The following FHIT variants were observed in gnomAD, a reference collection of about 807,000 sequenced individuals.
FHIT encodes bis(5'-adenosyl)-triphosphatase.
A neutral mutation model predicts 17.9 loss-of-function variants in FHIT; 19 were observed. The observed-to-expected ratio is 1.06, with a 90% CI of 0.74 to 1.56. FHIT has a LOEUF of 1.56. FHIT is among the 40% of genes most tolerant of loss of function. FHIT has a pLI of 0.00. For synonymous variants in FHIT, 81 were observed against 69.7 expected, an observed-to-expected ratio of 1.16 and a Z score of -0.81; for missense variants, 248 against 189.2, an observed-to-expected ratio of 1.31 and a Z score of -1.82.
chr3:60,204,570 G>C (rs1171209239), intron 5 of FHIT, among the ~76,000 whole-genome samples: 7 of 151,590 alleles, frequency 4.6e-5, no homozygotes, highest in Non-Finnish European at 8.8e-5. Flanking sequence ...GGATTACAGG[G>C]GTGAGCCACC....
intron 3 of FHIT, among the ~76,000 whole-genome samples, chr3:60,968,416 G>A (rs908361684): frequency 7.6e-6 from 1 of 131,488 alleles, no homozygotes; most frequent in African/African-American, 3.0e-5. Context: ...GTCTGCTGTA[G>A]GACTTTTTTT....
At chr3:59,838,595 A>G (rs1173434663) in intron 8 of FHIT, among the ~76,000 whole-genome samples, 1 of 152,086 alleles carries the variant, frequency 6.6e-6, no homozygotes, top group Non-Finnish European at 1.5e-5. Flanking sequence ...GTGGAGTGGC[A>G]GGTTTAGAGG....
chr3:59,759,969 TG>T (rs11360780), intron 8 of FHIT, among the ~76,000 whole-genome samples: 19,494 of 152,188 alleles, frequency 0.13, 1,306 homozygotes, highest in South Asian at 0.24. Flanking sequence ...AACTGGACCT[TG>T]GACTAAGCAC....
At chr3:61,133,283 T>C (rs1353652599) in intron 2 of FHIT, among the ~76,000 whole-genome samples, 1 of 152,334 alleles carries the variant, frequency 6.6e-6, no homozygotes, top group Non-Finnish European at 1.5e-5. Context: ...CTCTTGAGGG[T>C]ACAACCATGT....
Position 60,546,905 on chromosome 3 carries a change from C to G in FHIT, c.-17-9926G>C, listed in dbSNP as rs146098370. ...TCCCTACCCAAATCTAAGTCTACCTCTTTTTTAATTGTGGTAAAAATCCTC... is the reference window on the plus strand; with the variant it reads ...TCCCTACCCAAATCTAAGTCTACCTGTTTTTTAATTGTGGTAAAAATCCTC... On this transcript the variant is annotated intron_variant, in intron 4 of 9. Transcript: ENST00000492590. Among the ~76,000 whole-genome samples, 24 of 152,282 alleles carry G rather than the reference C, an allele frequency of 1.6e-4. No homozygotes were observed. The Middle Eastern group carries it at 0.014, about 86-fold the overall frequency.
At chr3:60,041,679 G>A (rs1403710625) in intron 5 of FHIT, among the ~76,000 whole-genome samples, 1 of 152,194 alleles carries the variant, frequency 6.6e-6, no homozygotes, top group East Asian at 1.9e-4. Context: ...GTCATGGGGA[G>A]AAGATGCTAC....
intron 5 of FHIT, among the ~76,000 whole-genome samples, chr3:60,216,358 T>C (rs2107525939): frequency 6.6e-6 from 1 of 152,266 alleles, no homozygotes; most frequent in African/African-American, 2.4e-5. Flanking sequence ...CGTCAAATAC[T>C]AATACAGATA....
chr3:60,902,729 C>A (rs782734694), intron 3 of FHIT, among the ~76,000 whole-genome samples: 1 of 152,152 alleles, frequency 6.6e-6, no homozygotes, highest in Non-Finnish European at 1.5e-5. Context: ...GATGAGATAC[C>A]TTCCTAACCT....
At chr3:60,145,681 T>C (rs1700211073) in intron 5 of FHIT, among the ~76,000 whole-genome samples, 1 of 152,178 alleles carries the variant, frequency 6.6e-6, no homozygotes, top group Non-Finnish European at 1.5e-5. Flanking sequence ...CTCAACTGAC[T>C]ATTACCCTTA....
chr3:61,036,742 T>A (rs1335853155), intron 3 of FHIT, among the ~76,000 whole-genome samples: 1 of 152,128 alleles, frequency 6.6e-6, no homozygotes, highest in Non-Finnish European at 1.5e-5. Flanking sequence ...CTCAGATTAT[T>A]GATTTAAACC....
intron 8 of FHIT, among the ~76,000 whole-genome samples, chr3:59,849,919 G>A (rs1451819074): frequency 6.6e-6 from 1 of 152,138 alleles, no homozygotes; most frequent in East Asian, 1.9e-4. Flanking sequence ...TAATACCTTT[G>A]ACTTTAGTTC....
At chr3:60,072,178 G>A (rs770986701) in intron 5 of FHIT, among the ~76,000 whole-genome samples, 35 of 152,194 alleles carry the variant, frequency 2.3e-4, no homozygotes, top group Non-Finnish European at 4.6e-4. Flanking sequence ...ACAGGCAGTT[G>A]CTTGAAGAGA....
At chr3:60,957,527 G>A (rs574463739) in intron 3 of FHIT, among the ~76,000 whole-genome samples, 51 of 147,922 alleles carry the variant, frequency 3.4e-4, no homozygotes, top group Non-Finnish European at 7.5e-4. Context: ...GTGAGCCATG[G>A]CGCCGGGCCC....
intron 4 of FHIT, among the ~76,000 whole-genome samples, chr3:60,682,130 C>A (rs2107864363): frequency 6.6e-6 from 1 of 152,194 alleles, no homozygotes; most frequent in African/African-American, 2.4e-5. Flanking sequence ...CACCACTACG[C>A]CCTGCTAATT....
At chr3:60,368,993 T>G (rs998539879) in intron 5 of FHIT, among the ~76,000 whole-genome samples, 1 of 151,624 alleles carries the variant, frequency 6.6e-6, no homozygotes, top group Non-Finnish European at 1.5e-5. Flanking sequence ...TTTTTTTTCC[T>G]GAGACCGCTC....
rs113277824 is a variant in FHIT, at chr3:60,299,628, G to C, written c.103+237232C>G. On this transcript the variant is annotated intron_variant, in intron 5 of 9. Coordinates refer to ENST00000492590, the MANE Select transcript of FHIT (RefSeq NM_002012.4). ...TAATGCCTCTTCTGGTATCACCCCT[G>C]AGTGGAGGAAAAGGTACTTCTCTAC... 5.8e-3 allele frequency among the ~76,000 whole-genome samples: 890 copies of C among 152,160 alleles called. 5 individuals are homozygous for C. Among genetic ancestry groups the C allele is most frequent in the African/African-American group, 0.02 (815 of 41,534 alleles).
chr3:60,953,702 G>C (rs762620801), intron 3 of FHIT, among the ~76,000 whole-genome samples: 67 of 152,068 alleles, frequency 4.4e-4, no homozygotes, highest in Non-Finnish European at 8.5e-4. Context: ...TGGCAATCTG[G>C]TGTGACCACT....
chr3:60,851,541 G>C (rs1457032415), intron 3 of FHIT, among the ~76,000 whole-genome samples: 2 of 152,082 alleles, frequency 1.3e-5, no homozygotes, highest in Non-Finnish European at 2.9e-5. Context: ...ATTTACATCA[G>C]TACTTCCTAC....
chr3:60,502,984 T>C (rs1158380318), intron 5 of FHIT, among the ~76,000 whole-genome samples: 1 of 152,176 alleles, frequency 6.6e-6, no homozygotes, highest in Non-Finnish European at 1.5e-5. Flanking sequence ...GAATACTGAA[T>C]ATTAAGAAAA....
Sources: gnomAD v4.1 joint callset for allele counts (sites outside exome capture counted in the v4.1 genomes callset) on GRCh38, gnomAD v4.1.1 for gene constraint, MANE v1.5 for transcripts, NCBI Gene and HGNC (gene_info 2026-07-23, HGNC 2026-07-21) for gene names.